Variants in BHLHE40 observed in about 807,000 individuals in gnomAD.
BHLHE40 encodes the protein basic helix-loop-helix family member e40.
A neutral mutation model predicts 35.7 loss-of-function variants in BHLHE40; 3 were observed. The ratio of observed to expected loss-of-function variants is 0.08; its 90% CI spans 0.04 to 0.22. The LOEUF (loss-of-function observed/expected upper bound fraction) is 0.22, where lower values mean the gene tolerates loss of function less well. Among genes scored for constraint, BHLHE40 ranks in the 10% least tolerant of loss-of-function variants. The pLI, the probability that BHLHE40 is intolerant of heterozygous loss-of-function variation, is 1.00. For missense variants in BHLHE40, 486 were observed against 524.0 expected (o/e 0.93, Z 0.71); for synonymous variants, 236 against 213.0 (o/e 1.11, Z -0.94).
At chr3:4,979,886 G>GGGA (rs2053175614) in intron 1 of BHLHE40, 76 bp from the exon 2 acceptor site, 4 of 1,607,616 alleles carry the variant, frequency 2.5e-6, no homozygotes, top group Non-Finnish European at 3.4e-6. Flanking sequence ...CGGGCGCACC[G>GGGA]GGAGGTTCTT....
chr3:4,982,743 AC>A, intron 4 of BHLHE40, 92 bp from the exon 5 acceptor site: 1 of 1,493,314 alleles, frequency 6.7e-7, no homozygotes. Flanking sequence ...TTTTTTTTTA[AC>A]AAAAACTAAA....
Position 4,983,838 on chromosome 3 carries a change from G to GTGTT in BHLHE40, c.*149_*150insTTGT. The GTGTT allele has an allele frequency of 1.0e-6, 1 of 984,592 alleles. No homozygotes were observed. The highest frequency in any genetic ancestry group is 1.5e-6 in the Non-Finnish European group (1 of 678,304). The allele number at this position is 984,592 out of a possible 1,614,324, so 61.0% of individuals were successfully genotyped here. On this transcript the variant is annotated 3_prime_UTR_variant, in exon 5 of 5. Transcript: ENST00000256495. The surrounding 1 kb of genome is among the most constrained non-coding windows in gnomAD (Gnocchi z 5.0). ...TGGAGAGCAGATTCAGGGTGTGTGT[G>GTGTT]TGTGTGTGTGTGTGTGTATGTGCGT... is the stretch of plus-strand genomic sequence containing the variant.
rs1184478067 is a variant in BHLHE40 at position 4,982,993 on chromosome 3, G to A, written c.540G>A (p.Ser180=). 5 of 1,613,084 alleles carry A rather than the reference G, an allele frequency of 3.1e-6. No individual in the cohort carries two copies. The African/African-American group carries it at 4.0e-5, about 13-fold the overall frequency. ...TCACCCACCTCCACCGGGTGGTCTC[G>A]GAGCTGCTGCAGGGTGGTACCTCCA... ...QLVTHLHRVV[S]ELLQGGTSRK... Residue 180 remains serine (S), a synonymous_variant, in exon 5 of 5, where the codon TCG becomes TCA. Transcript: ENST00000256495.
In BHLHE40 at chr3:4,983,512, A is replaced by G; in HGVS notation, c.1059A>G (p.Pro353=). The change falls in exon 5 of 5, where the codon CCA becomes CCG. Residue 353 remains proline, a synonymous_variant. Transcript: ENST00000256495. The surrounding 1 kb of genome is among the most constrained non-coding windows in gnomAD (Gnocchi z 5.0). ...CCACCTCAGTGCCAGTGCTATACCC[A>G]GGCCTCAACGCCTCTGCCGCAGCCC... ...WYPTSVPVLY[P]GLNASAAALS... 6.2e-7 allele frequency: 1 copy of G among 1,614,134 alleles called. No homozygotes were observed. Among genetic ancestry groups the G allele is most frequent in the Non-Finnish European group, 8.5e-7 (1 of 1,180,018 alleles).
At chr3:4,979,886 G>C (rs1264263773) in intron 1 of BHLHE40, 76 bp from the exon 2 acceptor site, 1 of 1,607,496 alleles carries the variant, frequency 6.2e-7, no homozygotes, top group Non-Finnish European at 8.5e-7. Context: ...CGGGCGCACC[G>C]GGAGGTTCTT....
chr3:4,980,783 T>C (rs2053186674), intron 3 of BHLHE40, among the ~76,000 whole-genome samples: 1 of 152,014 alleles, frequency 6.6e-6, no homozygotes, highest in African/African-American at 2.4e-5. Flanking sequence ...TGTTGTCAAA[T>C]AAGGGGACTT....
rs929116763 is a variant in BHLHE40 at position 4,979,565 on chromosome 3, A to G, written c.-154A>G. 5.0e-6 allele frequency: 4 copies of G among 800,160 alleles called. No homozygotes were observed. The Admixed American group carries it at 1.1e-4, about 23-fold the overall frequency. 49.6% of individuals were successfully genotyped at this position (800,160 alleles called of 1,614,324 possible). On this transcript the variant is annotated 5_prime_UTR_variant, in exon 1 of 5. Coordinates refer to ENST00000256495, the MANE Select transcript of BHLHE40 (RefSeq NM_003670.3). ...CGCCCCCAACTGAAGCTGCATCTCAAAGCCGAAGATTCCAGCAGCCCAGGG... is the reference window on the plus strand; with the variant it reads ...CGCCCCCAACTGAAGCTGCATCTCAGAGCCGAAGATTCCAGCAGCCCAGGG...
intron 2 of BHLHE40, 118 bp downstream of exon 2, chr3:4,980,149 C>G: frequency 8.3e-7 from 1 of 1,198,624 alleles, no homozygotes; most frequent in East Asian, 2.4e-5. Context: ...CTCGGTGCCT[C>G]TTCTGAGTGA....
rs2053171870 is a variant in BHLHE40, at chr3:4,979,684, G to C, written c.-35G>C. 2 of 1,549,474 alleles carry C rather than the reference G, an allele frequency of 1.3e-6. No individual in the cohort carries two copies. Among genetic ancestry groups the C allele is most frequent in the South Asian group, 1.2e-5 (1 of 83,970 alleles). On this transcript the variant is annotated 5_prime_UTR_variant, in exon 1 of 5. Transcript: ENST00000256495. ...CTCATCCAGACGCTCCGCTAGTGCA[G>C]ACAGGAGCGCGCAGTGGCCCCGGCT...
At position 4,982,918 on chromosome 3, in the gene BHLHE40, G is replaced by A. The variant is rs375227436; in HGVS notation, c.465G>A (p.Gln155=). Residue 155 remains glutamine (Q), a synonymous_variant, in exon 5 of 5, where the codon CAG becomes CAA. Transcript: ENST00000256495. Reference sequence around the variant, plus strand: ...AGACATGTGCCCGGGAGGTGCTTCAGTATCTGGCCAAGCACGAGAACACTC... The same window carrying A: ...AGACATGTGCCCGGGAGGTGCTTCAATATCTGGCCAAGCACGAGAACACTC... ...GFQTCAREVL[Q]YLAKHENTRD... The A allele has an allele frequency of 3.9e-5, 63 of 1,614,072 alleles. No homozygotes were observed. Among genetic ancestry groups the A allele is most frequent in the Non-Finnish European group, 5.1e-5 (60 of 1,180,046 alleles).
Position 4,979,541 on chromosome 3 carries a change from GC to G in BHLHE40, c.-173del, listed in dbSNP as rs2053169805. On this transcript the variant is annotated 5_prime_UTR_variant, in exon 1 of 5. It removes the in-frame stop codon of an upstream open reading frame in the 5' UTR. Coordinates refer to ENST00000256495, the MANE Select transcript of BHLHE40 (RefSeq NM_003670.3). ...GCCGCGGGGACACCGGGCCATGCAC[GC>G]CCCCAACTGAAGCTGCATCTCAAAG... 1.5e-6 allele frequency: 1 copy of G among 661,028 alleles called. No individual in the cohort carries two copies. Among genetic ancestry groups the G allele is most frequent in the East Asian group, 2.7e-5 (1 of 36,500 alleles). The allele number at this position is 661,028 out of a possible 1,614,324, so 40.9% of individuals were successfully genotyped here.
chr3:4,979,866 G>A, intron 1 of BHLHE40, 68 bp downstream of exon 1: 1 of 1,604,862 alleles, frequency 6.2e-7, no homozygotes, highest in Middle Eastern at 1.7e-4. Context: ...CTCTCAACTT[G>A]GAGCAGCTCC....
At chr3:4,981,608 A>C (rs1266650869) in intron 4 of BHLHE40, 93 bp downstream of exon 4, 1 of 1,475,766 alleles carries the variant, frequency 6.8e-7, no homozygotes, top group Non-Finnish European at 9.1e-7. Context: ...ACATTACTGC[A>C]ACAAATTGCT....
At position 4,983,484 on chromosome 3, in the gene BHLHE40, A is replaced by G; in HGVS notation, c.1031A>G (p.Tyr344Cys). The G allele has an allele frequency of 6.2e-7, 1 of 1,614,128 alleles. No individual in the cohort carries two copies. The highest frequency in any genetic ancestry group is 8.5e-7 in the Non-Finnish European group (1 of 1,180,024). ...AYLPMLEKCW[Y>C]PTSVPVLYPG... ...CTGCCCATGCTGGAGAAGTGCTGGT[A>G]TCCCACCTCAGTGCCAGTGCTATAC... is the stretch of plus-strand genomic sequence containing the variant. Residue 344 changes from tyrosine (Y) to cysteine (C), a missense_variant, in exon 5 of 5, where the codon TAT becomes TGT. By Grantham distance (194) the Tyr-to-Cys change is radical. Around this residue, in one of 5 missense-constraint regions of BHLHE40, gnomAD observed 206 missense variants for 208.9 expected, o/e 0.99. Coordinates refer to ENST00000256495, the MANE Select transcript of BHLHE40 (RefSeq NM_003670.3). This position sits in a 1 kb window ranked among gnomAD's most constrained non-coding sequence, Gnocchi z 5.0.
Position 4,980,043 on chromosome 3 carries a change from C to T in BHLHE40, c.150+12C>T. On this transcript the variant is annotated intron_variant, in intron 2 of 4. Transcript: ENST00000256495. ...GCGAGGACAGCAAGGTAAGCAAGTG[C>T]ACCCCTAGGGACCCTGCGCTCAGCC... 1 of 1,613,696 alleles carries T rather than the reference C, an allele frequency of 6.2e-7. No individual in the cohort carries two copies. The highest frequency in any genetic ancestry group is 8.5e-7 in the Non-Finnish European group (1 of 1,179,604).
In BHLHE40 at chr3:4,983,856, ATGTGCG is replaced by A. The variant is rs2053224272; in HGVS notation, c.*173_*178del. On this transcript the variant is annotated 3_prime_UTR_variant, in exon 5 of 5. Coordinates refer to ENST00000256495, the MANE Select transcript of BHLHE40 (RefSeq NM_003670.3). This position sits in a 1 kb window ranked among gnomAD's most constrained non-coding sequence, Gnocchi z 5.0. ...TGTGTGTGTGTGTGTGTGTGTGTGTATGTGCGTGTGCGTGCACATGTGTGCCTGCGT... is the reference window on the plus strand; with the variant it reads ...TGTGTGTGTGTGTGTGTGTGTGTGTATGTGCGTGCACATGTGTGCCTGCGT... 99 of 350,390 alleles carry A rather than the reference ATGTGCG, an allele frequency of 2.8e-4. No individual in the cohort carries two copies. Among genetic ancestry groups the A allele is most frequent in the Non-Finnish European group, 3.8e-4 (89 of 233,068 alleles). 21.7% of individuals were successfully genotyped at this position (350,390 alleles called of 1,614,324 possible).
chr3:4,980,513 G>A, intron 3 of BHLHE40, 105 bp downstream of exon 3: 2 of 919,378 alleles, frequency 2.2e-6, no homozygotes, highest in Non-Finnish European at 3.4e-6. Context: ...CAGACTGGCG[G>A]ATCAGAGCTG....
Position 4,983,362 on chromosome 3 carries a change from C to T in BHLHE40, c.909C>T (p.Ser303=), listed in dbSNP as rs770870880. Reference sequence around the variant, plus strand: ...CGGATGATGAAGGCCATTTCACTAGCAGTGACCTGATCAGCTCCCCGTTCC... The same window carrying T: ...CGGATGATGAAGGCCATTTCACTAGTAGTGACCTGATCAGCTCCCCGTTCC... The part of the protein sequence containing the change: ...QLSDDEGHFT[S]SDLISSPFLG... Residue 303 remains serine (S), a synonymous_variant, in exon 5 of 5, where the codon AGC becomes AGT. Coordinates refer to ENST00000256495, the MANE Select transcript of BHLHE40 (RefSeq NM_003670.3). The surrounding 1 kb of genome is among the most constrained non-coding windows in gnomAD (Gnocchi z 5.0). 2 of 1,614,208 alleles carry T rather than the reference C, an allele frequency of 1.2e-6. No homozygotes were observed. The highest frequency in any genetic ancestry group is 1.7e-5 in the Admixed American group (1 of 60,022).
Position 4,985,315 on chromosome 3 carries a change from A to G in BHLHE40, c.*1623A>G, listed in dbSNP as rs1472189309. 1.3e-5 allele frequency: 2 copies of G among 152,248 alleles called. No individual in the cohort carries two copies. The highest frequency in any genetic ancestry group is 4.8e-5 in the African/African-American group (2 of 41,460). 9.4% of individuals were successfully genotyped at this position (152,248 alleles called of 1,614,324 possible). A position where few individuals can be genotyped will look rare whatever the true frequency, so the allele number is the denominator to read the frequency against. ...CAGCTTTTCATGTGCTTTGTATTCA[A>G]TCAGAATAAGCTTAGTCAACCTGGC... On this transcript the variant is annotated 3_prime_UTR_variant, in exon 5 of 5. Coordinates refer to ENST00000256495, the MANE Select transcript of BHLHE40 (RefSeq NM_003670.3).
Sources: allele counts gnomAD v4.1 joint callset (sites outside exome capture counted in the v4.1 genomes callset), GRCh38; gene constraint gnomAD v4.1.1; regional missense constraint gnomAD v4.1.1; non-coding constraint Gnocchi (gnomAD v3.1); transcripts MANE v1.5; gene names NCBI Gene and HGNC (gene_info 2026-07-23, HGNC 2026-07-21).